The following DOCK3 variants were observed in gnomAD, a reference collection of about 807,000 sequenced individuals.
The protein encoded by DOCK3 is dedicator of cytokinesis 3.
Under a neutral mutation model 265.6 loss-of-function variants are expected in DOCK3, and 60 were observed. That is an observed-to-expected ratio of 0.23 (90% CI 0.18 to 0.28). DOCK3 has a LOEUF of 0.28. Among genes scored for constraint, DOCK3 ranks in the 10% least tolerant of loss-of-function variants. DOCK3 has a pLI of 1.00. For synonymous variants in DOCK3, 881 were observed against 938.0 expected, an observed-to-expected ratio of 0.94 and a Z score of 1.11; for missense variants, 1,981 against 2,594.3, an observed-to-expected ratio of 0.76 and a Z score of 5.14.
At chr3:50,964,075 A>C (rs1461943568) in intron 5 of DOCK3, among the ~76,000 whole-genome samples, 2 of 152,202 alleles carry the variant, frequency 1.3e-5, no homozygotes, top group African/African-American at 4.8e-5. Context: ...CACACTGAAA[A>C]AGCTCATTAT....
intron 14 of DOCK3, among the ~76,000 whole-genome samples, chr3:51,214,486 A>C (rs1440904552): frequency 2.0e-5 from 3 of 152,224 alleles, no homozygotes; most frequent in Non-Finnish European, 2.9e-5. Flanking sequence ...ACAATCCAGC[A>C]GATAGGCTTT....
chr3:50,735,396 A>G (rs942025983), intron 1 of DOCK3, among the ~76,000 whole-genome samples: 7 of 152,042 alleles, frequency 4.6e-5, no homozygotes, highest in Admixed American at 1.3e-4. Flanking sequence ...CTGTAGTGCA[A>G]ATGGCATGAT....
chr3:51,193,232 AT>A (rs2088058595), intron 12 of DOCK3, among the ~76,000 whole-genome samples: 1 of 152,146 alleles, frequency 6.6e-6, no homozygotes, highest in Non-Finnish European at 1.5e-5. Context: ...TGATTTACTT[AT>A]GTTGAACCAT....
chr3:51,029,898 A>C (rs1190788973), intron 5 of DOCK3, among the ~76,000 whole-genome samples: 2 of 152,062 alleles, frequency 1.3e-5, no homozygotes, highest in Non-Finnish European at 2.9e-5. Context: ...ACATCTGCTC[A>C]AGGTGGCCAC....
intron 5 of DOCK3, among the ~76,000 whole-genome samples, chr3:50,995,016 C>T (rs1360436961): frequency 1.3e-5 from 2 of 152,132 alleles, no homozygotes; most frequent in Admixed American, 6.5e-5. Context: ...AAAGGGCAGG[C>T]ATTCTGTAGG....
At chr3:51,142,987 A>C (rs1322289282) in intron 9 of DOCK3, among the ~76,000 whole-genome samples, 2 of 151,920 alleles carry the variant, frequency 1.3e-5, no homozygotes, top group Non-Finnish European at 2.9e-5. Flanking sequence ...CCCGGGTTCA[A>C]GTGATTCTCC....
chr3:51,380,976 T>C, intron 52 of DOCK3, 74 bp from the exon 53 acceptor site: 1 of 1,499,960 alleles, frequency 6.7e-7, no homozygotes, highest in Non-Finnish European at 8.9e-7. Flanking sequence ...AAGCAGGCTC[T>C]TGGTCTTCCT....
At chr3:50,902,489 TAGA>T (rs2049250121) in intron 4 of DOCK3, among the ~76,000 whole-genome samples, 1 of 152,220 alleles carries the variant, frequency 6.6e-6, no homozygotes, top group Non-Finnish European at 1.5e-5. Flanking sequence ...CAGATGGCTG[TAGA>T]AGTTCAGTCT....
intron 5 of DOCK3, among the ~76,000 whole-genome samples, chr3:51,025,730 T>C (rs1291451576): frequency 1.3e-5 from 2 of 152,216 alleles, no homozygotes; most frequent in African/African-American, 2.4e-5. Flanking sequence ...CTGTGAGATA[T>C]AGTCAGGAAT....
chr3:51,342,329 C>T (rs969938949), intron 38 of DOCK3, among the ~76,000 whole-genome samples: 23 of 152,216 alleles, frequency 1.5e-4, no homozygotes, highest in East Asian at 1.9e-4. Flanking sequence ...TTTCCAAAAG[C>T]GCAGAAACTC....
At chr3:51,280,828 T>C (rs2081069276) in intron 27 of DOCK3, among the ~76,000 whole-genome samples, 1 of 152,176 alleles carries the variant, frequency 6.6e-6, no homozygotes, top group Non-Finnish European at 1.5e-5. Context: ...CAGAAATAAT[T>C]TTTTTAAAAA....
intron 4 of DOCK3, chr3:50,900,950 G>T (rs1450205806): frequency 7.1e-6 from 3 of 424,358 alleles, no homozygotes; most frequent in Non-Finnish European, 1.4e-5. Flanking sequence ...GAGGCACGGG[G>T]GTCAGGGACC....
chr3:50,707,916 G>T (rs1259925182), intron 1 of DOCK3, among the ~76,000 whole-genome samples: 2 of 150,930 alleles, frequency 1.3e-5, no homozygotes, highest in Non-Finnish European at 3.0e-5. Flanking sequence ...TGTGGTGGTG[G>T]TGCAGTCTTG....
intron 49 of DOCK3, among the ~76,000 whole-genome samples, chr3:51,365,621 G>T (rs1403096772): frequency 6.6e-6 from 1 of 152,150 alleles, no homozygotes; most frequent in Non-Finnish European, 1.5e-5. Flanking sequence ...TTGGCTGTGG[G>T]TTTGTCATAA....
chr3:51,270,336 T>C (rs1466465221), intron 23 of DOCK3, among the ~76,000 whole-genome samples: 1 of 152,228 alleles, frequency 6.6e-6, no homozygotes, highest in Non-Finnish European at 1.5e-5. Flanking sequence ...GGTACAGCTC[T>C]CAGAACTGGA....
chr3:51,154,488 C>T (rs2085751082), intron 10 of DOCK3, among the ~76,000 whole-genome samples: 2 of 152,196 alleles, frequency 1.3e-5, no homozygotes, highest in African/African-American at 4.8e-5. Context: ...CTGAGAGCTT[C>T]TGAAGTGAGA....
intron 1 of DOCK3, among the ~76,000 whole-genome samples, chr3:50,720,124 C>T (rs527892583): frequency 8.0e-4 from 121 of 152,148 alleles, no homozygotes; most frequent in Non-Finnish European, 1.5e-3. Flanking sequence ...AAGGTGTTAC[C>T]TGGAATCTTT....
chr3:50,965,992 C>CT (rs2077017822), intron 5 of DOCK3, among the ~76,000 whole-genome samples: 1 of 150,912 alleles, frequency 6.6e-6, no homozygotes, highest in Non-Finnish European at 1.5e-5. Flanking sequence ...CCCTGCAGTC[C>CT]TTGACAACCA....
intron 2 of DOCK3, among the ~76,000 whole-genome samples, chr3:50,799,993 G>A (rs930714916): frequency 6.6e-6 from 1 of 152,158 alleles, no homozygotes; most frequent in Admixed American, 6.5e-5. Flanking sequence ...TATGATGTAT[G>A]ATGTTTGTTT....
Sources: gnomAD v4.1 joint callset for allele counts (sites outside exome capture counted in the v4.1 genomes callset) on GRCh38, gnomAD v4.1.1 for gene constraint, MANE v1.5 for transcripts, NCBI Gene and HGNC (gene_info 2026-07-23, HGNC 2026-07-21) for gene names.